Variants in BSN observed in about 807,000 individuals in gnomAD.
BSN encodes the protein bassoon presynaptic cytomatrix protein, also known as protein bassoon.
A neutral mutation model predicts 264.8 loss-of-function variants in BSN; 57 were observed. The ratio of observed to expected loss-of-function variants is 0.22; its 90% confidence interval spans 0.17 to 0.27. The LOEUF (loss-of-function observed/expected upper bound fraction) is 0.27, where lower values mean the gene tolerates loss of function less well. Among genes scored for constraint, BSN ranks in the 10% least tolerant of loss-of-function variants. The pLI is 1.00. For synonymous variants in BSN, 2,059 were observed against 2,137.3 expected, an observed-to-expected ratio of 0.96 and a Z score of 1.01; for missense variants, 4,615 against 5,232.5, an observed-to-expected ratio of 0.88 and a Z score of 3.64.
At position 49,650,991 on chromosome 3, in the gene BSN, CTAAAG is replaced by C; in HGVS notation, c.1904_1908del (p.Val635GlufsTer7). The stretch of plus-strand genomic sequence containing the variant: ...GAGACTACCCCAACCCCTGCGACTC[CTAAAG>C]TAAAGAGTGGGGTGAGGAGGGCTGA... On this transcript the variant is annotated frameshift_variant, in exon 4 of 12. Transcript: ENST00000296452. LOFTEE classifies it high-confidence loss of function. 1 of 1,614,134 alleles carries C rather than the reference CTAAAG, an allele frequency of 6.2e-7. No individual in the cohort carries two copies. Among genetic ancestry groups the C allele is most frequent in the Non-Finnish European group, 8.5e-7 (1 of 1,180,000 alleles).
intron 2 of BSN, among the ~76,000 whole-genome samples, chr3:49,635,312 G>A (rs1263981310): frequency 6.6e-6 from 1 of 152,150 alleles, no homozygotes; most frequent in Admixed American, 6.5e-5. Flanking sequence ...AAAGGTGGCT[G>A]GCAAGGATAA....
At chr3:49,597,251 T>C (rs1210026724) in intron 1 of BSN, among the ~76,000 whole-genome samples, 1 of 152,220 alleles carries the variant, frequency 6.6e-6, no homozygotes, top group East Asian at 1.9e-4. Context: ...CTGATCTATA[T>C]TTGAGTTCTC....
Position 49,661,784 on chromosome 3 carries a change from AC to A in BSN, c.9941del (p.Pro3314GlnfsTer18). Reference sequence around the variant, plus strand: ...TCCGGAGCATGGAGAGCAATGGTCGACCAGCCAGTACCCACTACTATGGTGA... The same window carrying A: ...TCCGGAGCATGGAGAGCAATGGTCGACAGCCAGTACCCACTACTATGGTGA... Reference protein sequence around the residue: ...HLRSMESNGRPASTHYYGDSD... With the variant: ...HLRSMESNGRXASTHYYGDSD... On this transcript the variant is annotated frameshift_variant, in exon 6 of 12. Coordinates refer to ENST00000296452, the MANE Select transcript of BSN (RefSeq NM_003458.4). LOFTEE classifies it high-confidence loss of function. 1 of 1,612,628 alleles carries A rather than the reference AC, an allele frequency of 6.2e-7. No individual in the cohort carries two copies. Among genetic ancestry groups the A allele is most frequent in the Non-Finnish European group, 8.5e-7 (1 of 1,179,888 alleles).
At chr3:49,590,390 T>G (rs1280713210) in intron 1 of BSN, among the ~76,000 whole-genome samples, 1 of 152,196 alleles carries the variant, frequency 6.6e-6, no homozygotes, top group Non-Finnish European at 1.5e-5. Flanking sequence ...TTAACATTAT[T>G]AATATGGTTG....
At chr3:49,623,640 A>G (rs755779544) in intron 1 of BSN, among the ~76,000 whole-genome samples, 26 of 152,200 alleles carry the variant, frequency 1.7e-4, no homozygotes, top group African/African-American at 1.9e-4. Context: ...GCTTCACACT[A>G]GTGGAAAAGT....
At chr3:49,590,433 T>G (rs2051969839) in intron 1 of BSN, among the ~76,000 whole-genome samples, 1 of 152,166 alleles carries the variant, frequency 6.6e-6, no homozygotes. Flanking sequence ...TTTTTACTAT[T>G]TGTCTCATGC....
At chr3:49,573,423 A>T (rs1479306513) in intron 1 of BSN, among the ~76,000 whole-genome samples, 2 of 152,200 alleles carry the variant, frequency 1.3e-5, no homozygotes, top group Non-Finnish European at 2.9e-5. Context: ...CACACAGCCT[A>T]CTTCTAGCCA....
At chr3:49,672,571 C>T (rs2052802188), downstream of BSN, among the ~76,000 whole-genome samples, 1 of 151,336 alleles carries the variant, frequency 6.6e-6, no homozygotes, top group African/African-American at 2.4e-5. Context: ...ACCTCCACTT[C>T]CCAGGTTCAA....
intron 2 of BSN, among the ~76,000 whole-genome samples, chr3:49,631,282 ATGG>A (rs1213862906): frequency 2.0e-5 from 3 of 151,972 alleles, no homozygotes; most frequent in Non-Finnish European, 2.9e-5. Flanking sequence ...GTAGTTGGGC[ATGG>A]TGGCTCACAC....
At chr3:49,580,871 A>G (rs1240766267) in intron 1 of BSN, among the ~76,000 whole-genome samples, 1 of 152,090 alleles carries the variant, frequency 6.6e-6, no homozygotes, top group South Asian at 2.1e-4. Flanking sequence ...TTCATGATTC[A>G]TGTTGTGCAA....
intron 1 of BSN, among the ~76,000 whole-genome samples, chr3:49,597,681 C>T (rs149169487): frequency 1.2e-3 from 176 of 152,174 alleles, no homozygotes; most frequent in Non-Finnish European, 1.9e-3. Context: ...CTCACTGTGT[C>T]GTCCAGGCTG....
Position 49,652,673 on chromosome 3 carries a change from C to A in BSN, c.3117C>A (p.Asp1039Glu). 1 of 1,598,224 alleles carries A rather than the reference C, an allele frequency of 6.3e-7. No homozygotes were observed. Among genetic ancestry groups the A allele is most frequent in the Non-Finnish European group, 8.5e-7 (1 of 1,172,552 alleles). The change falls in exon 5 of 12, where the codon GAC becomes GAA. Residue 1039 changes from aspartate (D) to glutamate (E), a missense_variant. Physicochemically the swap from Asp to Glu is conservative, Grantham distance 45. Transcript: ENST00000296452. ...GGCCCCTGCTACCCACCATCGAGGACTCCTCAGAGGAGGAGGAGCTGCGGG... is the reference window on the plus strand; with the variant it reads ...GGCCCCTGCTACCCACCATCGAGGAATCCTCAGAGGAGGAGGAGCTGCGGG... ...SHGPLLPTIE[D>E]SSEEEELREE...
Position 49,642,769 on chromosome 3 carries a change from C to A in BSN, c.1135C>A (p.Pro379Thr). 1.2e-6 allele frequency: 2 copies of A among 1,613,404 alleles called. No homozygotes were observed. The highest frequency in any genetic ancestry group is 1.7e-6 in the Non-Finnish European group (2 of 1,179,926). ...PEADTQGQPA[P>T]SKGTPKIVFN... ...GGCTGACACCCAGGGCCAGCCTGCCCCCAGCAAGGGGACACCTAAGATCGT... is the reference window on the plus strand; with the variant it reads ...GGCTGACACCCAGGGCCAGCCTGCCACCAGCAAGGGGACACCTAAGATCGT... Residue 379 changes from proline (P) to threonine (T), a missense_variant, in exon 3 of 12, where the codon CCC becomes ACC. Physicochemically the swap from Pro to Thr is conservative, Grantham distance 38. Transcript: ENST00000296452. This position sits in a 1 kb window ranked among gnomAD's most constrained non-coding sequence, Gnocchi z 7.0.
intron 1 of BSN, among the ~76,000 whole-genome samples, chr3:49,559,040 C>T (rs1281079432): frequency 6.6e-6 from 1 of 152,072 alleles, no homozygotes; most frequent in Non-Finnish European, 1.5e-5. Flanking sequence ...GATTCTCCTG[C>T]CTCAGCCTCC....
chr3:49,671,900 GC>G (rs2052772745), downstream of BSN, among the ~76,000 whole-genome samples: 1 of 152,134 alleles, frequency 6.6e-6, no homozygotes, highest in Non-Finnish European at 1.5e-5. This position sits in a 1 kb window ranked among gnomAD's most constrained non-coding sequence, Gnocchi z 4.1. Flanking sequence ...CTGCCAACAA[GC>G]CCTACACCTC....
chr3:49,605,821 G>A (rs1208580137), intron 1 of BSN, among the ~76,000 whole-genome samples: 4 of 62,896 alleles, frequency 6.4e-5, no homozygotes, highest in South Asian at 5.6e-4. Context: ...AATATATTTT[G>A]TATAAATAGA....
intron 1 of BSN, among the ~76,000 whole-genome samples, chr3:49,560,066 T>G (rs1307414653): frequency 1.3e-5 from 2 of 149,486 alleles, no homozygotes; most frequent in Non-Finnish European, 3.0e-5. Flanking sequence ...AGGAAAGTTG[T>G]TTTTTTTTTC....
intron 1 of BSN, among the ~76,000 whole-genome samples, chr3:49,609,352 C>G (rs1193755609): frequency 2.0e-5 from 3 of 151,952 alleles, no homozygotes; most frequent in East Asian, 3.9e-4. Context: ...ATCCTCCCAC[C>G]TCAGCCTCCC....
rs2052646250 is a variant in BSN at position 49,660,665 on chromosome 3, G to A, written c.8820G>A (p.Leu2940=). ...CTGTCCCTGCTACCAAGGCCAGCCTGCTCCGGGAGCTGGACCGGGACCTGC... is the reference window on the plus strand; with the variant it reads ...CTGTCCCTGCTACCAAGGCCAGCCTACTCCGGGAGCTGGACCGGGACCTGC... The part of the protein sequence containing the change: ...PTTVPATKAS[L]LRELDRDLRL... Residue 2940 remains leucine (L), a synonymous_variant, in exon 6 of 12, where the codon CTG becomes CTA. Transcript: ENST00000296452. This position sits in a 1 kb window ranked among gnomAD's most constrained non-coding sequence, Gnocchi z 7.1. The A allele has an allele frequency of 6.2e-7, 1 of 1,613,216 alleles. No homozygotes were observed. The highest frequency in any genetic ancestry group is 1.7e-5 in the Admixed American group (1 of 60,002).
Sources: gnomAD v4.1 joint callset for allele counts (sites outside exome capture counted in the v4.1 genomes callset) on GRCh38, gnomAD v4.1.1 for gene constraint, Gnocchi (gnomAD v3.1) non-coding constraint, MANE v1.5 for transcripts, NCBI Gene and HGNC (gene_info 2026-07-23, HGNC 2026-07-21) for gene names.